Variants in CAMTA1 observed in about 807,000 individuals in gnomAD.
The protein encoded by CAMTA1 is calmodulin-binding transcription activator 1.
In CAMTA1, 27 loss-of-function variants were observed where a neutral mutation model predicts 170.9. The observed-to-expected ratio is 0.16, with a 90% CI of 0.12 to 0.22. CAMTA1 has a LOEUF of 0.22. Among genes scored for constraint, CAMTA1 ranks in the 10% least tolerant of loss-of-function variants. The pLI, the probability that CAMTA1 is intolerant of heterozygous loss-of-function variation, is 1.00. For synonymous variants in CAMTA1, 833 were observed against 891.5 expected (o/e 0.93, Z 1.17); for missense variants, 1,619 against 2,217.2 (o/e 0.73, Z 5.42).
intron 5 of CAMTA1, among the ~76,000 whole-genome samples, chr1:7,346,970 T>G (rs1037965623): frequency 2.0e-5 from 3 of 152,212 alleles, no homozygotes; most frequent in Non-Finnish European, 4.4e-5. Context: ...AGCACGGATG[T>G]GTTGTCCTCT....
At chr1:7,038,476 GAA>G (rs1354656760) in intron 3 of CAMTA1, among the ~76,000 whole-genome samples, 1 of 152,158 alleles carries the variant, frequency 6.6e-6, no homozygotes, top group Non-Finnish European at 1.5e-5. Flanking sequence ...TAACAAAATT[GAA>G]AGAGTTTTGC....
rs182667505 is a variant in CAMTA1 at position 7,747,406 on chromosome 1, T to C, written c.4618-304T>C. Among the ~76,000 whole-genome samples the C allele has an allele frequency of 3.8e-3, 578 of 152,314 alleles. 4 individuals are homozygous for C. Among genetic ancestry groups the C allele is most frequent in the African/African-American group, 0.013 (557 of 41,564 alleles). ...CAAAAGTAAAGTAGTTGGGGTTATC[T>C]TAGGAAAGATAGTTGAGATCTGGCA... On this transcript the variant is annotated intron_variant, in intron 18 of 22. Coordinates refer to ENST00000303635, the MANE Select transcript of CAMTA1 (RefSeq NM_015215.4).
intron 4 of CAMTA1, among the ~76,000 whole-genome samples, chr1:7,226,562 A>G (rs746929032): frequency 2.0e-5 from 3 of 152,188 alleles, no homozygotes; most frequent in Non-Finnish European, 4.4e-5. Context: ...CTGAAGTCCC[A>G]TTTCCCAGAG....
At chr1:7,284,126 G>GTTCTTC (rs202166286) in intron 5 of CAMTA1, among the ~76,000 whole-genome samples, 3,935 of 106,724 alleles carry the variant, frequency 0.037, 113 homozygotes, top group East Asian at 0.052. Flanking sequence ...ATTTGCTGCT[G>GTTCTTC]TTCTTCTTCT....
chr1:7,742,676 G>C (rs2096827209), intron 16 of CAMTA1, among the ~76,000 whole-genome samples: 4 of 152,172 alleles, frequency 2.6e-5, no homozygotes, highest in Admixed American at 2.6e-4. Flanking sequence ...GGAGGATTTA[G>C]GAAAGTGATT....
chr1:6,903,927 T>C (rs753889101), intron 3 of CAMTA1, among the ~76,000 whole-genome samples: 2 of 152,238 alleles, frequency 1.3e-5, no homozygotes, highest in Non-Finnish European at 2.9e-5. Context: ...AGTGTCATCG[T>C]TGGGCAAGAC....
chr1:7,382,527 A>G (rs1390055008), intron 5 of CAMTA1: 1 of 152,134 alleles, frequency 6.6e-6, no homozygotes, highest in Admixed American at 6.5e-5. Context: ...AGTACTAGCT[A>G]TGGGGAATTG....
At chr1:6,944,804 C>T (rs1242865163) in intron 3 of CAMTA1, among the ~76,000 whole-genome samples, 8 of 152,212 alleles carry the variant, frequency 5.3e-5, no homozygotes, top group East Asian at 1.9e-4. Flanking sequence ...GAAAGTGATA[C>T]GCATTCAGTA....
intron 5 of CAMTA1, among the ~76,000 whole-genome samples, chr1:7,358,319 A>G (rs577784251): frequency 2.9e-4 from 44 of 152,380 alleles, no homozygotes; most frequent in South Asian, 2.7e-3. Flanking sequence ...TCTAGAAGTC[A>G]TGGAAGCAGA....
Position 7,682,650 on chromosome 1 carries a change from G to T in CAMTA1, c.2914+4917G>T, listed in dbSNP as rs1379808016. Among the ~76,000 whole-genome samples the T allele has an allele frequency of 6.6e-6, 1 of 152,204 alleles. No homozygotes were observed. The highest frequency in any genetic ancestry group is 1.9e-4 in the East Asian group (1 of 5,184). ...TCACACACTGTCCCAGAGTCCAGGG[G>T]TACATTCCAGGGACAGTGGGAAAGG... On this transcript the variant is annotated intron_variant, in intron 11 of 22. Coordinates refer to ENST00000303635, the MANE Select transcript of CAMTA1 (RefSeq NM_015215.4). This position sits in a 1 kb window ranked among gnomAD's most constrained non-coding sequence, Gnocchi z 5.0.
intron 3 of CAMTA1, among the ~76,000 whole-genome samples, chr1:7,072,135 G>A (rs1032308450): frequency 6.6e-5 from 10 of 152,202 alleles, no homozygotes; most frequent in African/African-American, 9.7e-5. Flanking sequence ...TGAGCTGAAC[G>A]ACACGTGGTT....
intron 5 of CAMTA1, among the ~76,000 whole-genome samples, chr1:7,343,978 T>C (rs2084031213): frequency 6.6e-6 from 1 of 152,230 alleles, no homozygotes; most frequent in Admixed American, 6.5e-5. Flanking sequence ...AGTTTTGTGT[T>C]AGAAACAGCA....
intron 3 of CAMTA1, among the ~76,000 whole-genome samples, chr1:7,061,838 C>T (rs11588586): frequency 0.16 from 24,888 of 151,948 alleles, 2,416 homozygotes; most frequent in Non-Finnish European, 0.23. Flanking sequence ...GCAGGACTCC[C>T]TTGGGGCTGG....
chr1:7,309,287 A>ATTTT (rs34401498), intron 5 of CAMTA1, among the ~76,000 whole-genome samples: 34 of 70,546 alleles, frequency 4.8e-4, no homozygotes, highest in East Asian at 1.6e-3. Context: ...CAGTTAGAAA[A>ATTTT]TTTTTTTTTT....
At chr1:7,183,296 G>T (rs1456257816) in intron 4 of CAMTA1, among the ~76,000 whole-genome samples, 1 of 151,962 alleles carries the variant, frequency 6.6e-6, no homozygotes, top group Non-Finnish European at 1.5e-5. Context: ...TTTTTTGAGG[G>T]ATCCCCCCCA....
chr1:7,243,830 G>T (rs1244032220), intron 4 of CAMTA1, among the ~76,000 whole-genome samples: 1 of 152,146 alleles, frequency 6.6e-6, no homozygotes, highest in African/African-American at 2.4e-5. Context: ...ATAGGAATGG[G>T]CAAGGACTTC....
rs575784085 is a variant in CAMTA1, at chr1:7,641,145, G to A, written c.664+592G>A. 2.0e-5 allele frequency among the ~76,000 whole-genome samples: 3 copies of A among 152,360 alleles called. No homozygotes were observed. The highest frequency in any genetic ancestry group is 7.2e-5 in the African/African-American group (3 of 41,584). ...GAGGCAGGGAAGCTGGGGCTGCTCC[G>A]TACTTTGTTGCCGTGGCCACAGCTC... is the stretch of plus-strand genomic sequence containing the variant. On this transcript the variant is annotated intron_variant, in intron 7 of 22. Coordinates refer to ENST00000303635, the MANE Select transcript of CAMTA1 (RefSeq NM_015215.4). This position sits in a 1 kb window ranked among gnomAD's most constrained non-coding sequence, Gnocchi z 4.5.
intron 3 of CAMTA1, among the ~76,000 whole-genome samples, chr1:6,935,203 C>T (rs1685102103): frequency 6.6e-6 from 1 of 152,136 alleles, no homozygotes; most frequent in Non-Finnish European, 1.5e-5. Context: ...TATATATTGT[C>T]AAATAATAAA....
chr1:7,028,690 T>C (rs2186089), intron 3 of CAMTA1, among the ~76,000 whole-genome samples: 151,936 of 152,326 alleles, frequency 1, 75,777 homozygotes, highest in Middle Eastern at 1. Context: ...TTGGTATTAT[T>C]GTGAGTCATT....
Sources: allele counts gnomAD v4.1 joint callset (sites outside exome capture counted in the v4.1 genomes callset), GRCh38; gene constraint gnomAD v4.1.1; non-coding constraint Gnocchi (gnomAD v3.1); transcripts MANE v1.5; gene names NCBI Gene and HGNC (gene_info 2026-07-23, HGNC 2026-07-21).